HS3ST4: variants seen among roughly 807,000 people sequenced by gnomAD.
HS3ST4 encodes heparan sulfate-glucosamine 3-sulfotransferase 4.
In HS3ST4, 17 loss-of-function variants were observed where a neutral mutation model predicts 29.2. The ratio of observed to expected loss-of-function variants is 0.58; its 90% CI spans 0.40 to 0.87. The LOEUF is 0.87. HS3ST4 is among the 40% of genes least tolerant of loss of function. The pLI, the probability that HS3ST4 is intolerant of heterozygous loss-of-function variation, is 0.00. For synonymous variants in HS3ST4, 314 were observed against 285.7 expected (o/e 1.10, Z -1.00); for missense variants, 627 against 634.5 (o/e 0.99, Z 0.13).
intron 1 of HS3ST4, among the ~76,000 whole-genome samples, chr16:25,997,098 T>A (rs1969164903): frequency 6.6e-6 from 1 of 152,234 alleles, no homozygotes; most frequent in Non-Finnish European, 1.5e-5. Context: ...AGACACTTTG[T>A]CAAAATAAAA....
chr16:25,975,595 G>A (rs1439315512), intron 1 of HS3ST4, among the ~76,000 whole-genome samples: 2 of 152,098 alleles, frequency 1.3e-5, no homozygotes, highest in Non-Finnish European at 2.9e-5. Flanking sequence ...TCCAGATGAC[G>A]TCTTTCCATC....
At chr16:26,090,963 G>A (rs1898849843) in intron 1 of HS3ST4, among the ~76,000 whole-genome samples, 1 of 152,138 alleles carries the variant, frequency 6.6e-6, no homozygotes, top group South Asian at 2.1e-4. Context: ...AGCACATGAG[G>A]CTAACCTGGT....
intron 1 of HS3ST4, among the ~76,000 whole-genome samples, chr16:26,110,699 G>A (rs1899116830): frequency 6.6e-6 from 1 of 152,160 alleles, no homozygotes; most frequent in African/African-American, 2.4e-5. Flanking sequence ...GTGGGCCTTG[G>A]AAATTGTAAT....
intron 1 of HS3ST4, among the ~76,000 whole-genome samples, chr16:25,911,437 C>G (rs561324815): frequency 6.6e-6 from 1 of 151,310 alleles, no homozygotes; most frequent in Non-Finnish European, 1.5e-5. Context: ...CTCCTTGTCT[C>G]CATCTCCCAT....
chr16:25,929,392 A>G (rs537281609), intron 1 of HS3ST4, among the ~76,000 whole-genome samples: 1 of 152,068 alleles, frequency 6.6e-6, no homozygotes, highest in East Asian at 1.9e-4. Flanking sequence ...CAAGAAGAAA[A>G]AAAAAAGAAA....
intron 1 of HS3ST4, among the ~76,000 whole-genome samples, chr16:25,848,434 C>G (rs1374632226): frequency 4.7e-5 from 7 of 150,466 alleles, no homozygotes; most frequent in East Asian, 2.0e-4. Context: ...ACCGCTGTGC[C>G]CAGCCTAATT....
At chr16:25,694,377 T>C (rs1280838450) in intron 1 of HS3ST4, among the ~76,000 whole-genome samples, 1 of 152,242 alleles carries the variant, frequency 6.6e-6, no homozygotes, top group African/African-American at 2.4e-5. Context: ...TTTAAAAATA[T>C]GCCTTATGCT....
At chr16:25,895,531 G>A (rs1040581199) in intron 1 of HS3ST4, among the ~76,000 whole-genome samples, 1 of 152,046 alleles carries the variant, frequency 6.6e-6, no homozygotes, top group African/African-American at 2.4e-5. Flanking sequence ...AACTGGAGCC[G>A]AGACTGTGGC....
At chr16:26,065,387 C>T (rs1313198575) in intron 1 of HS3ST4, among the ~76,000 whole-genome samples, 1 of 152,146 alleles carries the variant, frequency 6.6e-6, no homozygotes, top group Non-Finnish European at 1.5e-5. Flanking sequence ...AAACCAAATA[C>T]CATATGTTCT....
At chr16:25,764,940 T>G (rs1323725876) in intron 1 of HS3ST4, among the ~76,000 whole-genome samples, 1 of 152,220 alleles carries the variant, frequency 6.6e-6, no homozygotes, top group Admixed American at 6.5e-5. Flanking sequence ...CTTCTGATCC[T>G]GCTAGCCATT....
intron 1 of HS3ST4, among the ~76,000 whole-genome samples, chr16:25,709,965 C>T (rs1451981427): frequency 1.3e-5 from 2 of 152,004 alleles, no homozygotes; most frequent in Non-Finnish European, 2.9e-5. Context: ...TCTTCCTGCC[C>T]GGATTCGCTT....
intron 1 of HS3ST4, among the ~76,000 whole-genome samples, chr16:25,738,574 C>T (rs138900024): frequency 2.0e-5 from 3 of 152,236 alleles, no homozygotes; most frequent in African/African-American, 7.2e-5. Flanking sequence ...TGCTGAATGT[C>T]CCACAATGCT....
intron 1 of HS3ST4, among the ~76,000 whole-genome samples, chr16:25,981,150 G>C (rs1214178547): frequency 6.6e-6 from 1 of 152,074 alleles, no homozygotes; most frequent in Non-Finnish European, 1.5e-5. Context: ...TTGAGGTCAG[G>C]AGTTTGAGAC....
At chr16:25,885,661 C>T (rs1967941878) in intron 1 of HS3ST4, among the ~76,000 whole-genome samples, 1 of 151,974 alleles carries the variant, frequency 6.6e-6, no homozygotes, top group South Asian at 2.1e-4. Context: ...TATCCAAGCA[C>T]CAGCTGTGAT....
intron 1 of HS3ST4, among the ~76,000 whole-genome samples, chr16:25,745,992 T>G (rs1966683010): frequency 6.6e-6 from 1 of 152,200 alleles, no homozygotes; most frequent in Admixed American, 6.5e-5. Context: ...GATTAAGTTA[T>G]CCTCCAGATC....
intron 1 of HS3ST4, among the ~76,000 whole-genome samples, chr16:25,815,801 C>G (rs1967087743): frequency 6.6e-6 from 1 of 152,138 alleles, no homozygotes; most frequent in Non-Finnish European, 1.5e-5. Flanking sequence ...CTCAACTCAT[C>G]ACCTGGTAAC....
At chr16:25,707,803 C>T (rs1341926672) in intron 1 of HS3ST4, among the ~76,000 whole-genome samples, 1 of 152,216 alleles carries the variant, frequency 6.6e-6, no homozygotes, top group Non-Finnish European at 1.5e-5. Context: ...GCTGCTTCCA[C>T]CACTTACAAT....
chr16:25,859,971 G>A lies in HS3ST4; in HGVS notation c.734+166820G>A, dbSNP rs565032296. On this transcript the variant is annotated intron_variant, in intron 1 of 1. Coordinates refer to ENST00000331351, the MANE Select transcript of HS3ST4 (RefSeq NM_006040.3). ...CTTCACCTCCTGTCAGATCAGCAGCGACATTAGATTCTCATAGGAGCACAG... is the reference window on the plus strand; with the variant it reads ...CTTCACCTCCTGTCAGATCAGCAGCAACATTAGATTCTCATAGGAGCACAG... Among the ~76,000 whole-genome samples the A allele has an allele frequency of 2.0e-4, 30 of 152,276 alleles. 1 individual carries two copies. The highest frequency in any genetic ancestry group is 8.3e-4 in the South Asian group (4 of 4,830).
At chr16:25,909,782 A>G (rs1968217699) in intron 1 of HS3ST4, among the ~76,000 whole-genome samples, 1 of 152,252 alleles carries the variant, frequency 6.6e-6, no homozygotes, top group Non-Finnish European at 1.5e-5. Context: ...TGCTTTATTT[A>G]ATGAGATCCC....
Sources: gnomAD v4.1 joint callset for allele counts (sites outside exome capture counted in the v4.1 genomes callset) on GRCh38, gnomAD v4.1.1 for gene constraint, MANE v1.5 for transcripts, NCBI Gene and HGNC (gene_info 2026-07-23, HGNC 2026-07-21) for gene names.